Variants in SOX18 observed in about 807,000 individuals in gnomAD.
SOX18 encodes SRY-box transcription factor 18, also known as transcription factor SOX-18.
Under a neutral mutation model 9.1 loss-of-function variants are expected in SOX18, and 2 were observed. The ratio of observed to expected loss-of-function variants is 0.22; its 90% CI spans 0.09 to 0.69. SOX18 has a LOEUF of 0.69. SOX18 is among the 30% of genes least tolerant of loss of function. The pLI is 0.80. For synonymous variants in SOX18, 292 were observed against 280.5 expected (o/e 1.04, Z -0.41); for missense variants, 542 against 567.3 (o/e 0.96, Z 0.45).
Position 64,048,088 on chromosome 20 carries a change from G to A in SOX18, c.*78C>T. 6 of 1,326,534 alleles carry A rather than the reference G, an allele frequency of 4.5e-6. No individual in the cohort carries two copies. The highest frequency in any genetic ancestry group is 5.2e-6 in the Non-Finnish European group (5 of 958,778). The allele number at this position is 1,326,534 out of a possible 1,614,324, so 82.2% of individuals were successfully genotyped here. ...AAACATACACGCGTATGAGAGAGCAGAGCGGCAGCGACGCGGTCGGATCGG... is the reference window on the plus strand; with the variant it reads ...AAACATACACGCGTATGAGAGAGCAAAGCGGCAGCGACGCGGTCGGATCGG... On this transcript the variant is annotated 3_prime_UTR_variant, in exon 2 of 2. Transcript: ENST00000340356.
Position 64,048,622 on chromosome 20 carries a change from C to A in SOX18, c.699G>T (p.Pro233=), listed in dbSNP as rs1232672329. 4 of 1,254,200 alleles carry A rather than the reference C, an allele frequency of 3.2e-6. No homozygotes were observed. Among genetic ancestry groups the A allele is most frequent in the African/African-American group, 3.1e-5 (2 of 63,824 alleles). 77.7% of individuals were successfully genotyped at this position (1,254,200 alleles called of 1,614,324 possible). ...LEPGEAAFFP[P]PAAPEDCALR... is the part of the protein sequence containing the mutation. ...GCGCGCAGTCCTCGGGCGCCGCGGG[C>A]GGTGGGAAGAAGGCAGCCTCGCCGG... Residue 233 remains proline, a synonymous_variant, in exon 2 of 2, where the codon CCG becomes CCT. Coordinates refer to ENST00000340356, the MANE Select transcript of SOX18 (RefSeq NM_018419.3).
rs1409490199 is a variant in SOX18 at position 64,048,487 on chromosome 20, C to T, written c.834G>A (p.Pro278=). The change falls in exon 2 of 2, where the codon CCG becomes CCA. Residue 278 remains proline (P), a synonymous_variant. Transcript: ENST00000340356. ...GGGTGCCGTAGTACAGGCCAGCGAG[C>T]GGCGCCGCGGGGGGCGCGGTCCTGA... The part of the protein sequence containing the change: ...EALRTAPPAA[P]LAGLYYGTLG... 3.2e-6 allele frequency: 4 copies of T among 1,231,784 alleles called. No individual in the cohort carries two copies. The highest frequency in any genetic ancestry group is 3.2e-4 in the Middle Eastern group (1 of 3,150). 76.3% of individuals were successfully genotyped at this position (1,231,784 alleles called of 1,614,324 possible).
chr20:64,048,567 TGGGCGCGTA>T lies in SOX18; in HGVS notation c.745_753del (p.Tyr249_Pro251del), dbSNP rs2059408615. The stretch of plus-strand genomic sequence containing the variant: ...CCGCCGGGGTCCCGCGACAACTCGG[TGGGCGCGTA>T]GGGCGCGCGGAAGGGCCGCAGCGCG... On this transcript the variant is annotated inframe_deletion, in exon 2 of 2. Coordinates refer to ENST00000340356, the MANE Select transcript of SOX18 (RefSeq NM_018419.3). The T allele has an allele frequency of 4.1e-6, 5 of 1,224,840 alleles. No individual in the cohort carries two copies. The highest frequency in any genetic ancestry group is 6.4e-4 in the Middle Eastern group (2 of 3,134). 75.9% of individuals were successfully genotyped at this position (1,224,840 alleles called of 1,614,324 possible).
In SOX18 at chr20:64,048,540, A is replaced by C. The variant is rs2059408421; in HGVS notation, c.781T>G (p.Cys261Gly). The C allele has an allele frequency of 1.6e-6, 2 of 1,220,940 alleles. No homozygotes were observed. The highest frequency in any genetic ancestry group is 7.6e-5 in the South Asian group (2 of 26,386). 75.6% of individuals were successfully genotyped at this position (1,220,940 alleles called of 1,614,324 possible). Residue 261 changes from cysteine to glycine, a missense_variant, in exon 2 of 2, where the codon TGC (cysteine) becomes GGC (glycine). Transcript: ENST00000340356. ...PTELSRDPGG[C>G]YGAPLAEALR... ...GCCTCCGCCAGGGGAGCCCCGTAGC[A>C]ACCGCCGGGGTCCCGCGACAACTCG...
rs1018680398 is a variant in SOX18, at chr20:64,048,088, G to C, written c.*78C>G. 2.6e-5 allele frequency: 34 copies of C among 1,326,416 alleles called. No homozygotes were observed. The highest frequency in any genetic ancestry group is 4.0e-5 in the Admixed American group (2 of 50,452). The allele number at this position is 1,326,416 out of a possible 1,614,324, so 82.2% of individuals were successfully genotyped here. On this transcript the variant is annotated 3_prime_UTR_variant, in exon 2 of 2. Coordinates refer to ENST00000340356, the MANE Select transcript of SOX18 (RefSeq NM_018419.3). ...AAACATACACGCGTATGAGAGAGCA[G>C]AGCGGCAGCGACGCGGTCGGATCGG...
intron 1 of SOX18, 66 bp downstream of exon 1, chr20:64,049,093 C>CCA: frequency 4.2e-6 from 4 of 951,936 alleles, no homozygotes; most frequent in African/African-American, 1.8e-5. Context: ...CCTGCCCCCC[C>CCA]CGCCCCACCC....
rs929803000 is a variant in SOX18 at position 64,048,100 on chromosome 20, C to T, written c.*66G>A. On this transcript the variant is annotated 3_prime_UTR_variant, in exon 2 of 2. Coordinates refer to ENST00000340356, the MANE Select transcript of SOX18 (RefSeq NM_018419.3). ...GTATGAGAGAGCAGAGCGGCAGCGA[C>T]GCGGTCGGATCGGTCGCGGGGGCTG... 6 of 1,421,908 alleles carry T rather than the reference C, an allele frequency of 4.2e-6. No individual in the cohort carries two copies. The highest frequency in any genetic ancestry group is 3.8e-6 in the Non-Finnish European group (4 of 1,045,672). 88.1% of individuals were successfully genotyped at this position (1,421,908 alleles called of 1,614,324 possible). A position where few individuals can be genotyped will look rare whatever the true frequency, so the allele number is the denominator to read the frequency against.
chr20:64,049,419 C>G lies in SOX18; in HGVS notation c.98G>C (p.Arg33Pro). 1 of 989,480 alleles carries G rather than the reference C, an allele frequency of 1.0e-6. No homozygotes were observed. Among genetic ancestry groups the G allele is most frequent in the Non-Finnish European group, 1.2e-6 (1 of 834,926 alleles). 61.3% of individuals were successfully genotyped at this position (989,480 alleles called of 1,614,324 possible). The part of the protein sequence containing the change: ...APGHGAAADT[R>P]GLAAGPAALA... Reference sequence around the variant, plus strand: ...GGCGGCGGGGCCGGCGGCGAGGCCGCGCGTGTCAGCGGCGGCCCCGTGTCC... The same window carrying G: ...GGCGGCGGGGCCGGCGGCGAGGCCGGGCGTGTCAGCGGCGGCCCCGTGTCC... The change falls in exon 1 of 2, where the codon CGC becomes CCC. Residue 33 changes from arginine to proline, a missense_variant. Coordinates refer to ENST00000340356, the MANE Select transcript of SOX18 (RefSeq NM_018419.3).
chr20:64,049,123 C>T (rs753228471), intron 1 of SOX18, 36 bp downstream of exon 1: 5 of 1,264,190 alleles, frequency 4.0e-6, no homozygotes, highest in South Asian at 1.7e-5. Flanking sequence ...CCCCCCCCGC[C>T]CTCTCCCCCT....
chr20:64,047,987 A>T lies in SOX18; in HGVS notation c.*179T>A. The T allele has an allele frequency of 1.4e-6, 1 of 706,438 alleles. No individual in the cohort carries two copies. Among genetic ancestry groups the T allele is most frequent in the Non-Finnish European group, 2.4e-6 (1 of 422,738 alleles). The allele number at this position is 706,438 out of a possible 1,614,324, so 43.8% of individuals were successfully genotyped here. ...CCGAGGGCAGGTGGCCCAGAAGCCCAGGAAGGGTGGCCTGGGAGGTGGAAC... is the reference window on the plus strand; with the variant it reads ...CCGAGGGCAGGTGGCCCAGAAGCCCTGGAAGGGTGGCCTGGGAGGTGGAAC... On this transcript the variant is annotated 3_prime_UTR_variant, in exon 2 of 2. Coordinates refer to ENST00000340356, the MANE Select transcript of SOX18 (RefSeq NM_018419.3).
At position 64,048,353 on chromosome 20, in the gene SOX18, T is replaced by C. The variant is rs1231714982; in HGVS notation, c.968A>G (p.Asp323Gly). ...GAGGTACTGGTCGAACTCGGTGAGG[T>C]CCACGTCGGCCCACAGATCGGCGGC... The part of the protein sequence containing the change: ...GPAADLWADV[D>G]LTEFDQYLNC... The change falls in exon 2 of 2, where the codon GAC (aspartate) becomes GGC (glycine). Residue 323 changes from aspartate to glycine, a missense_variant. Asp to Gly is a moderately conservative substitution (Grantham distance 94, BLOSUM62 -1). Transcript: ENST00000340356. The C allele has an allele frequency of 6.3e-7, 1 of 1,586,434 alleles. No homozygotes were observed. The highest frequency in any genetic ancestry group is 1.8e-5 in the Admixed American group (1 of 56,988).
Position 64,048,768 on chromosome 20 carries a change from C to CGGGCGGTGGCTGCGG in SOX18, c.538_552dup (p.Pro180_Pro184dup), listed in dbSNP as rs2145417338. Reference sequence around the variant, plus strand: ...GAGCCAGACGCCGCGGGGAAAGGCTCGGGCGGTGGCTGCGGGGGCGCTAAT... The same window carrying CGGGCGGTGGCTGCGG: ...GAGCCAGACGCCGCGGGGAAAGGCTCGGGCGGTGGCTGCGGGGGCGGTGGCTGCGGGGGCGCTAAT... On this transcript the variant is annotated inframe_insertion, in exon 2 of 2. Coordinates refer to ENST00000340356, the MANE Select transcript of SOX18 (RefSeq NM_018419.3). 2 of 1,490,978 alleles carry CGGGCGGTGGCTGCGG rather than the reference C, an allele frequency of 1.3e-6. No individual in the cohort carries two copies. The highest frequency in any genetic ancestry group is 2.9e-5 in the African/African-American group (2 of 68,806). The allele number at this position is 1,490,978 out of a possible 1,614,324, so 92.4% of individuals were successfully genotyped here.
rs12303 is a variant in SOX18, at chr20:64,047,793, G to A, written c.*373C>T. On this transcript the variant is annotated 3_prime_UTR_variant, in exon 2 of 2. Transcript: ENST00000340356. ...TGTATTAGGTATATTTTTTAAAAGG[G>A]CAAAGTAAAAAATATTAATACAATC... 29,865 of 238,304 alleles carry A rather than the reference G, an allele frequency of 0.13. 2,327 individuals are homozygous for A. The highest frequency in any genetic ancestry group is 0.17 in the Non-Finnish European group (20,317 of 123,012). The allele number at this position is 238,304 out of a possible 1,614,324, so 14.8% of individuals were successfully genotyped here.
In SOX18 at chr20:64,049,440, T is replaced by G. The variant is rs1178537666; in HGVS notation, c.77A>C (p.His26Pro). The change falls in exon 1 of 2, where the codon CAC becomes CCC. Residue 26 changes from histidine (H) to proline (P), a missense_variant. Physicochemically the swap from His to Pro is moderately conservative, Grantham distance 77 (BLOSUM62 -2). Coordinates refer to ENST00000340356, the MANE Select transcript of SOX18 (RefSeq NM_018419.3). ...GCCGCGCGTGTCAGCGGCGGCCCCG[T>G]GTCCCGGGGCCCATGCACAGTCGCG... ...ARRDCAWAPG[H>P]GAAADTRGLA... The G allele has an allele frequency of 1.0e-6, 1 of 994,032 alleles. No homozygotes were observed. Among genetic ancestry groups the G allele is most frequent in the Non-Finnish European group, 1.2e-6 (1 of 837,716 alleles). 61.6% of individuals were successfully genotyped at this position (994,032 alleles called of 1,614,324 possible).
chr20:64,049,090 C>CCA, intron 1 of SOX18, 69 bp downstream of exon 1: 1 of 842,608 alleles, frequency 1.2e-6, no homozygotes, highest in Non-Finnish European at 1.6e-6. Flanking sequence ...ACCCCTGCCC[C>CCA]CCCCGCCCCA....
Position 64,048,496 on chromosome 20 carries a change from G to C in SOX18, c.825C>G (p.Pro275=). The C allele has an allele frequency of 2.4e-6, 3 of 1,229,598 alleles. No homozygotes were observed. Among genetic ancestry groups the C allele is most frequent in the Non-Finnish European group, 3.0e-6 (3 of 988,962 alleles). 76.2% of individuals were successfully genotyped at this position (1,229,598 alleles called of 1,614,324 possible). Residue 275 remains proline, a synonymous_variant, in exon 2 of 2, where the codon CCC becomes CCG. Coordinates refer to ENST00000340356, the MANE Select transcript of SOX18 (RefSeq NM_018419.3). ...PLAEALRTAP[P]AAPLAGLYYG... ...AGTACAGGCCAGCGAGCGGCGCCGC[G>C]GGGGGCGCGGTCCTGAGCGCCTCCG...
At position 64,049,375 on chromosome 20, in the gene SOX18, G is replaced by A. The variant is rs1315856392; in HGVS notation, c.142C>T (p.Pro48Ser). The A allele has an allele frequency of 9.1e-6, 9 of 990,530 alleles. No homozygotes were observed. Among genetic ancestry groups the A allele is most frequent in the Admixed American group, 6.2e-5 (1 of 16,066 alleles). 61.4% of individuals were successfully genotyped at this position (990,530 alleles called of 1,614,324 possible). The change falls in exon 1 of 2, where the codon CCC (proline) becomes TCC (serine). Residue 48 changes from proline to serine, a missense_variant. By Grantham distance (74) the Pro-to-Ser change is moderately conservative (BLOSUM62 -1). Transcript: ENST00000340356. ...GPAALAAPAA[P>S]ASPPSPQRSP... is the part of the protein sequence containing the mutation. ...CGCTGCGGGCTGGGCGGCGAGGCGGGCGCGGCGGGCGCGGCGAGGGCGGCG... is the reference window on the plus strand; with the variant it reads ...CGCTGCGGGCTGGGCGGCGAGGCGGACGCGGCGGGCGCGGCGAGGGCGGCG...
rs1306895650 is a variant in SOX18 at position 64,048,808 on chromosome 20, G to A, written c.513C>T (p.Gly171=). 2 of 1,549,100 alleles carry A rather than the reference G, an allele frequency of 1.3e-6. No individual in the cohort carries two copies. The highest frequency in any genetic ancestry group is 2.5e-5 in the East Asian group (1 of 40,544). The change falls in exon 2 of 2, where the codon GGC becomes GGT. Residue 171 remains glycine (G), a synonymous_variant. Transcript: ENST00000340356. ...GGGGCGCTAATCCCGGGAGCAGGAG[G>A]CCGGGCTCCAGCCGCCGGGCCTTGC... The part of the protein sequence containing the change: ...QARKARRLEP[G]LLLPGLAPPQ...
rs2059408911 is a variant in SOX18 at position 64,048,596 on chromosome 20, A to C, written c.725T>G (p.Leu242Arg). The change falls in exon 2 of 2, where the codon CTG becomes CGG. Residue 242 changes from leucine (L) to arginine (R), a missense_variant. By Grantham distance (102) the Leu-to-Arg change is moderately radical. Coordinates refer to ENST00000340356, the MANE Select transcript of SOX18 (RefSeq NM_018419.3). ...CGCGTAGGGCGCGCGGAAGGGCCGC[A>C]GCGCGCAGTCCTCGGGCGCCGCGGG... ...PPPAAPEDCA[L>R]RPFRAPYAPT... 1 of 1,237,296 alleles carries C rather than the reference A, an allele frequency of 8.1e-7. No homozygotes were observed. The highest frequency in any genetic ancestry group is 1.0e-6 in the Non-Finnish European group (1 of 992,958). The allele number at this position is 1,237,296 out of a possible 1,614,324, so 76.6% of individuals were successfully genotyped here.
Sources: allele counts gnomAD v4.1 joint callset, GRCh38; gene constraint gnomAD v4.1.1; transcripts MANE v1.5; gene names NCBI Gene and HGNC (gene_info 2026-07-23, HGNC 2026-07-21).